The following FAM133A variants were observed in gnomAD, a reference collection of about 807,000 sequenced individuals.
FAM133A encodes family with sequence similarity 133 member A.
For missense variants in FAM133A, 159 were observed against 164.4 expected, an observed-to-expected ratio of 0.97 and a Z score of 0.18; for synonymous variants, 65 against 58.6, an observed-to-expected ratio of 1.11 and a Z score of -0.50.
At chrX:93,696,617 A>G (rs767612625) in intron 2 of FAM133A, among the ~76,000 whole-genome samples, 104 of 111,609 alleles carry the variant, frequency 9.3e-4, no homozygotes, top group South Asian at 1.9e-3. Flanking sequence ...AGAGCTGGAA[A>G]TTGCTTAAGA....
chrX:93,693,824 A>G (rs940998505), intron 2 of FAM133A, among the ~76,000 whole-genome samples: 3 of 112,156 alleles, frequency 2.7e-5, no homozygotes, highest in African/African-American at 9.7e-5. Flanking sequence ...ACTTTGAAGT[A>G]ACAACAAGGT....
At chrX:93,701,376 C>G (rs1350051998) in intron 3 of FAM133A, among the ~76,000 whole-genome samples, 2 of 111,782 alleles carry the variant, frequency 1.8e-5, no homozygotes, top group East Asian at 2.8e-4. Context: ...ACAAAACTTA[C>G]AAGACATTTG....
At chrX:93,696,899 G>A (rs1926324364) in intron 2 of FAM133A, among the ~76,000 whole-genome samples, 2 of 98,443 alleles carry the variant, frequency 2.0e-5, no homozygotes, top group African/African-American at 7.1e-5. Context: ...CAGCCTGGGC[G>A]ATAGAGTGAG....
intron 2 of FAM133A, among the ~76,000 whole-genome samples, chrX:93,690,371 G>A (rs943670736): frequency 9.0e-6 from 1 of 111,232 alleles, no homozygotes; most frequent in Non-Finnish European, 1.9e-5. Flanking sequence ...GGGCCTGTTA[G>A]CAGTCAATCC....
At chrX:93,694,778 A>T (rs187686908) in intron 2 of FAM133A, among the ~76,000 whole-genome samples, 4 of 111,006 alleles carry the variant, frequency 3.6e-5, no homozygotes, top group Admixed American at 2.9e-4. Context: ...TCATTAAAAA[A>T]ATCTACTGAC....
intron 2 of FAM133A, among the ~76,000 whole-genome samples, chrX:93,681,031 T>A (rs1347809151): frequency 9.0e-6 from 1 of 111,129 alleles, no homozygotes; most frequent in Non-Finnish European, 1.9e-5. Context: ...TAAAACCACA[T>A]CACGGAAGAA....
intron 3 of FAM133A, among the ~76,000 whole-genome samples, chrX:93,699,533 C>G (rs1207514626): frequency 9.0e-6 from 1 of 111,168 alleles, no homozygotes; most frequent in Admixed American, 9.6e-5. Flanking sequence ...ATTGTCATTC[C>G]CTACCTAATA....
chrX:93,705,913 G>A (rs1927012942), intron 3 of FAM133A, among the ~76,000 whole-genome samples: 1 of 111,046 alleles, frequency 9.0e-6, no homozygotes, highest in Non-Finnish European at 1.9e-5. Flanking sequence ...TTTTAACTCT[G>A]CATCTTTCAT....
At chrX:93,680,349 G>T (rs1925047092) in intron 2 of FAM133A, among the ~76,000 whole-genome samples, 1 of 111,067 alleles carries the variant, frequency 9.0e-6, no homozygotes, top group African/African-American at 3.3e-5. Context: ...ATCAACTGAT[G>T]GACACTTAGG....
At chrX:93,683,855 G>T (rs1216507123) in intron 2 of FAM133A, among the ~76,000 whole-genome samples, 1 of 110,248 alleles carries the variant, frequency 9.1e-6, no homozygotes, top group Non-Finnish European at 1.9e-5. Flanking sequence ...TTTTTGAAAT[G>T]GGTTTTTTTT....
At chrX:93,688,295 G>T (rs1925672362) in intron 2 of FAM133A, among the ~76,000 whole-genome samples, 1 of 110,399 alleles carries the variant, frequency 9.1e-6, no homozygotes, top group Admixed American at 9.7e-5. Context: ...AGTGTGTAAG[G>T]ATTGCCTTTT....
At position 93,711,305 on chromosome X, in the gene FAM133A, G is replaced by A. The variant is rs1268952904; in HGVS notation, c.*1139G>A. 1 of 121,943 alleles carries A rather than the reference G, an allele frequency of 8.2e-6. No individual in the cohort carries two copies. Among genetic ancestry groups the A allele is most frequent in the Non-Finnish European group, 1.9e-5 (1 of 52,999 alleles). 10.0% of individuals were successfully genotyped at this position (121,943 alleles called of 1,213,427 possible). A position where few individuals can be genotyped will look rare whatever the true frequency, so the allele number is the denominator to read the frequency against. The stretch of plus-strand genomic sequence containing the variant: ...CTACTGCCAAAATCTTAGTAAGATT[G>A]TTGTTGAAAAGATTGTTGTCTTAAG... On this transcript the variant is annotated 3_prime_UTR_variant, in exon 4 of 4. Transcript: ENST00000683942.
chrX:93,695,784 G>A (rs1162491068), intron 2 of FAM133A, among the ~76,000 whole-genome samples: 3 of 107,458 alleles, frequency 2.8e-5, no homozygotes, highest in Admixed American at 1.0e-4. Flanking sequence ...TGGGACTATA[G>A]GCGCCCGCCA....
intron 3 of FAM133A, among the ~76,000 whole-genome samples, chrX:93,708,742 C>T (rs1428362711): frequency 1.8e-5 from 2 of 111,862 alleles, no homozygotes; most frequent in Non-Finnish European, 3.8e-5. Context: ...ATTAATAGCC[C>T]AAGCGAGAGA....
intron 3 of FAM133A, among the ~76,000 whole-genome samples, chrX:93,699,842 C>T (rs1215159951): frequency 2.7e-5 from 3 of 111,209 alleles, no homozygotes; most frequent in Non-Finnish European, 3.8e-5. Flanking sequence ...ATTTTCCTAT[C>T]ATCTAATGCC....
rs1482044309 is a variant in FAM133A, at chrX:93,711,717, T to C, written c.*1551T>C. 8.1e-6 allele frequency: 1 copy of C among 122,789 alleles called. No homozygotes were observed. The highest frequency in any genetic ancestry group is 3.3e-5 in the African/African-American group (1 of 30,705). The allele number at this position is 122,789 out of a possible 1,213,427, so 10.1% of individuals were successfully genotyped here. A position where few individuals can be genotyped will look rare whatever the true frequency, so the allele number is the denominator to read the frequency against. ...CATGTTGGCTGCCAAATTTTTTGCA[T>C]TGGAAATACTGGAATCTCTCATTAA... On this transcript the variant is annotated 3_prime_UTR_variant, in exon 4 of 4. Transcript: ENST00000683942.
chrX:93,685,995 G>T (rs956943502), intron 2 of FAM133A, among the ~76,000 whole-genome samples: 1 of 106,860 alleles, frequency 9.4e-6, no homozygotes, highest in Non-Finnish European at 1.9e-5. Context: ...TGTAATCCCA[G>T]TTATTCGGGA....
At chrX:93,687,674 T>C (rs1925626646) in intron 2 of FAM133A, among the ~76,000 whole-genome samples, 1 of 111,295 alleles carries the variant, frequency 9.0e-6, no homozygotes, top group Admixed American at 9.6e-5. Context: ...GTAACCTTTC[T>C]TCTAGCGATT....
intron 2 of FAM133A, among the ~76,000 whole-genome samples, chrX:93,680,432 T>C (rs1331309924): frequency 8.9e-6 from 1 of 111,745 alleles, no homozygotes; most frequent in African/African-American, 3.3e-5. Flanking sequence ...TTCAATGTAT[T>C]CATTTCATAT....
Sources: gnomAD v4.1 joint callset for allele counts (sites outside exome capture counted in the v4.1 genomes callset) on GRCh38, gnomAD v4.1.1 for gene constraint, MANE v1.5 for transcripts, NCBI Gene and HGNC (gene_info 2026-07-23, HGNC 2026-07-21) for gene names.